CHST9: variants seen among roughly 807,000 people sequenced by gnomAD.
The protein encoded by CHST9 is GalNAc-4-sulfotransferase 2.
Under a neutral mutation model 44.4 loss-of-function variants are expected in CHST9, and 41 were observed. The observed-to-expected ratio is 0.92, with a 90% confidence interval of 0.72 to 1.20. CHST9 has a LOEUF of 1.20. CHST9 is among the 50% of genes most tolerant of loss of function. The pLI, the probability that CHST9 is intolerant of heterozygous loss-of-function variation, is 0.00. For missense variants in CHST9, 504 were observed against 516.5 expected (o/e 0.98, Z 0.23); for synonymous variants, 171 against 178.4 (o/e 0.96, Z 0.33).
At chr18:27,073,685 A>G (rs957813299) in intron 2 of CHST9, among the ~76,000 whole-genome samples, 3 of 151,928 alleles carry the variant, frequency 2.0e-5, no homozygotes, top group African/African-American at 7.3e-5. Flanking sequence ...AGATTGACGT[A>G]TTCAGTAGCC....
At chr18:27,052,018 T>C (rs2057572608) in intron 2 of CHST9, among the ~76,000 whole-genome samples, 1 of 152,130 alleles carries the variant, frequency 6.6e-6, no homozygotes, top group South Asian at 2.1e-4. Flanking sequence ...TATTGGCATC[T>C]CATGTTTCAG....
chr18:27,169,991 G>C (rs2058822177), intron 1 of CHST9, among the ~76,000 whole-genome samples: 1 of 152,122 alleles, frequency 6.6e-6, no homozygotes, highest in Non-Finnish European at 1.5e-5. Context: ...TTTTATAAAA[G>C]TCAAAAACAG....
At chr18:26,949,828 C>T (rs1439260863) in intron 4 of CHST9, among the ~76,000 whole-genome samples, 1 of 152,162 alleles carries the variant, frequency 6.6e-6, no homozygotes. Context: ...GGAGAGTTTA[C>T]AGCAGAGAGA....
chr18:26,940,621 G>C (rs962967149), intron 5 of CHST9, among the ~76,000 whole-genome samples: 1 of 152,204 alleles, frequency 6.6e-6, no homozygotes, highest in African/African-American at 2.4e-5. Flanking sequence ...GTTATGGGTG[G>C]AGGTGAGAAG....
intron 2 of CHST9, among the ~76,000 whole-genome samples, chr18:27,099,930 T>A (rs1433892396): frequency 6.6e-6 from 1 of 152,070 alleles, no homozygotes; most frequent in Admixed American, 6.6e-5. Flanking sequence ...ATGTGTATGC[T>A]CATTGCACTA....
chr18:27,171,885 T>C (rs765761069), intron 1 of CHST9, among the ~76,000 whole-genome samples: 1 of 152,216 alleles, frequency 6.6e-6, no homozygotes, highest in Non-Finnish European at 1.5e-5. Context: ...TTTTAATACA[T>C]GCACAAATAA....
At chr18:26,976,154 C>T (rs1264227252) in intron 4 of CHST9, among the ~76,000 whole-genome samples, 2 of 151,942 alleles carry the variant, frequency 1.3e-5, no homozygotes, top group African/African-American at 2.4e-5. Context: ...AAAACGCTGC[C>T]TGAATATAAG....
intron 2 of CHST9, among the ~76,000 whole-genome samples, chr18:27,131,881 A>G (rs1158683201): frequency 6.6e-6 from 1 of 152,322 alleles, no homozygotes; most frequent in African/African-American, 2.4e-5. Context: ...GCTTCAACCA[A>G]TTGTAAGTTA....
At position 26,992,267 on chromosome 18, in the gene CHST9, A is replaced by G. The variant is rs901874072; in HGVS notation, c.202+31849T>C. 4.0e-5 allele frequency among the ~76,000 whole-genome samples: 4 copies of G among 100,826 alleles called. 1 individual carries two copies. Among genetic ancestry groups the G allele is most frequent in the Non-Finnish European group, 7.1e-5 (3 of 42,342 alleles). 66.1% of individuals were successfully genotyped at this position (100,826 alleles called of 152,430 possible). ...ATGAAGAACAAATCACACCACATCT[A>G]TGCTGGAAACAGATGCTAGTGAGCC... On this transcript the variant is annotated intron_variant, in intron 4 of 5. Coordinates refer to ENST00000618847, the MANE Select transcript of CHST9 (RefSeq NM_031422.6).
intron 2 of CHST9, among the ~76,000 whole-genome samples, chr18:27,131,208 G>A (rs770641350): frequency 1.3e-5 from 2 of 151,948 alleles, no homozygotes; most frequent in East Asian, 1.9e-4. Context: ...GTTCCCCACC[G>A]ACTAAATAGA....
At chr18:27,048,092 C>T (rs2057525836) in intron 3 of CHST9, among the ~76,000 whole-genome samples, 3 of 152,004 alleles carry the variant, frequency 2.0e-5, no homozygotes, top group Admixed American at 6.6e-5. Context: ...ACTACATATA[C>T]GGTTTTAAGA....
chr18:27,003,827 A>G (rs2056981801), intron 4 of CHST9, among the ~76,000 whole-genome samples: 1 of 152,052 alleles, frequency 6.6e-6, no homozygotes, highest in African/African-American at 2.4e-5. Flanking sequence ...TACACCATGA[A>G]ATATGTTTTT....
chr18:27,033,243 C>T (rs571811392), intron 3 of CHST9, among the ~76,000 whole-genome samples: 9 of 152,276 alleles, frequency 5.9e-5, no homozygotes, highest in African/African-American at 1.9e-4. Context: ...TTCCTGTCAC[C>T]GTGGTTTGTA....
rs113182171 is a variant in CHST9, at chr18:27,108,639, C to T, written c.121+34050G>A. ...TTCTCTTCAAGACCATCCTATTTCA[C>T]TTTTTACAAAGAAACATCTCAATAT... On this transcript the variant is annotated intron_variant, in intron 2 of 5. Coordinates refer to ENST00000618847, the MANE Select transcript of CHST9 (RefSeq NM_031422.6). Among the ~76,000 whole-genome samples, 370 of 152,214 alleles carry T rather than the reference C, an allele frequency of 2.4e-3. 1 individual carries two copies. The highest frequency in any genetic ancestry group is 4.5e-3 in the Non-Finnish European group (307 of 68,012).
chr18:27,167,796 A>T (rs2058802258), intron 1 of CHST9, among the ~76,000 whole-genome samples: 1 of 152,168 alleles, frequency 6.6e-6, no homozygotes, highest in Non-Finnish European at 1.5e-5. Context: ...CTGCGATCTG[A>T]AGTATGGGAA....
At chr18:27,069,410 A>G (rs1431086212) in intron 2 of CHST9, among the ~76,000 whole-genome samples, 1 of 152,174 alleles carries the variant, frequency 6.6e-6, no homozygotes, top group African/African-American at 2.4e-5. Flanking sequence ...AAACATTTCT[A>G]AGAATTTCTT....
chr18:27,091,761 T>C (rs547162348), intron 2 of CHST9, among the ~76,000 whole-genome samples: 2 of 152,358 alleles, frequency 1.3e-5, no homozygotes, highest in East Asian at 3.9e-4. Flanking sequence ...TTGATTTGCA[T>C]ATGTTGAACC....
chr18:27,175,573 A>G (rs1361278394), intron 1 of CHST9, among the ~76,000 whole-genome samples: 2 of 152,096 alleles, frequency 1.3e-5, no homozygotes, highest in Non-Finnish European at 2.9e-5. Context: ...AGAGGTCACA[A>G]AGAAAAAAGT....
chr18:27,087,147 A>G (rs1448708354), intron 2 of CHST9, among the ~76,000 whole-genome samples: 1 of 152,202 alleles, frequency 6.6e-6, no homozygotes, highest in African/African-American at 2.4e-5. Flanking sequence ...CAGAACACTT[A>G]TTAGGATATC....
Sources: allele counts gnomAD v4.1 joint callset (sites outside exome capture counted in the v4.1 genomes callset), GRCh38; gene constraint gnomAD v4.1.1; transcripts MANE v1.5; gene names NCBI Gene and HGNC (gene_info 2026-07-23, HGNC 2026-07-21).